The following MYO10 variants were observed in gnomAD, a reference collection of about 807,000 sequenced individuals.
The protein encoded by MYO10 is unconventional myosin-X.
MYO10 carries 133 observed loss-of-function variants against 257.3 expected under a neutral mutation model. That is an observed-to-expected ratio of 0.52 (90% CI 0.45 to 0.60). MYO10 has a LOEUF of 0.60. MYO10 is among the 20% of genes least tolerant of loss of function. The pLI, the probability that MYO10 is intolerant of heterozygous loss-of-function variation, is 0.00. For synonymous variants in MYO10, 1,104 were observed against 1,028.6 expected (o/e 1.07, Z -1.40); for missense variants, 2,399 against 2,635.7 (o/e 0.91, Z 1.97).
intron 1 of MYO10, among the ~76,000 whole-genome samples, chr5:16,925,677 G>A (rs907246682): frequency 1.3e-5 from 2 of 152,204 alleles, no homozygotes; most frequent in African/African-American, 4.8e-5. Context: ...ATCCCAAAGT[G>A]CTGAGGTAAC....
At chr5:16,763,865 T>C (rs1027530348) in intron 12 of MYO10, 110 bp from the exon 13 acceptor site, 24 of 742,924 alleles carry the variant, frequency 3.2e-5, no homozygotes, top group Middle Eastern at 3.8e-4. Flanking sequence ...ATGCCTGTTG[T>C]CTGGCACAGT....
At chr5:16,679,524 G>GTTTTTTTTTTTTTTTT (rs33919452) in intron 33 of MYO10, among the ~76,000 whole-genome samples, 31 of 122,666 alleles carry the variant, frequency 2.5e-4, no homozygotes, top group African/African-American at 9.7e-4. Flanking sequence ...TTTTTTGGGT[G>GTTTTTTTTTTTTTTTT]TTTTTTTTTT....
intron 2 of MYO10, among the ~76,000 whole-genome samples, chr5:16,831,254 C>A (rs1432351498): frequency 6.6e-6 from 1 of 152,164 alleles, no homozygotes; most frequent in African/African-American, 2.4e-5. Context: ...ACAGGGAACA[C>A]TTCTACACTG....
At chr5:16,715,332 C>A (rs1049799167) in intron 19 of MYO10, among the ~76,000 whole-genome samples, 1 of 147,036 alleles carries the variant, frequency 6.8e-6, no homozygotes, top group African/African-American at 2.5e-5. Context: ...TCATGTACCA[C>A]ATAATGATGT....
intron 1 of MYO10, among the ~76,000 whole-genome samples, chr5:16,914,363 C>T (rs1580145356): frequency 6.6e-6 from 1 of 152,154 alleles, no homozygotes; most frequent in Non-Finnish European, 1.5e-5. Context: ...TGCTGGAATA[C>T]ACTAAGAAGC....
intron 21 of MYO10, 27 bp downstream of exon 21, chr5:16,710,881 G>A (rs1173879965): frequency 1.3e-6 from 2 of 1,582,894 alleles, no homozygotes; most frequent in South Asian, 2.3e-5. Context: ...GGGATTCGGT[G>A]GGAGTTGCTC....
intron 3 of MYO10, chr5:16,815,467 C>G: frequency 1.4e-6 from 1 of 700,050 alleles, no homozygotes; most frequent in Non-Finnish European, 2.6e-6. Flanking sequence ...TCTGCACCTA[C>G]AAGAGACATA....
At chr5:16,870,513 C>T (rs1319581458) in intron 2 of MYO10, among the ~76,000 whole-genome samples, 3 of 151,516 alleles carry the variant, frequency 2.0e-5, no homozygotes, top group Non-Finnish European at 4.4e-5. Context: ...ACAGGTGATT[C>T]GTATGCACCA....
intron 3 of MYO10, among the ~76,000 whole-genome samples, chr5:16,812,253 GGAA>G: frequency 6.6e-6 from 1 of 152,142 alleles, no homozygotes; most frequent in African/African-American, 2.4e-5. Flanking sequence ...TGGGGTTCCA[GGAA>G]GAGAATCTAA....
chr5:16,701,559 T>C lies in MYO10; in HGVS notation c.2836A>G (p.Asn946Asp), dbSNP rs753790871. The C allele has an allele frequency of 6.2e-7, 1 of 1,613,756 alleles. No individual in the cohort carries two copies. The highest frequency in any genetic ancestry group is 1.1e-5 in the South Asian group (1 of 91,060). The change falls in exon 25 of 41, where the codon AAT becomes GAT. Residue 946 changes from asparagine to aspartate, a missense_variant. Coordinates refer to ENST00000513610, the MANE Select transcript of MYO10 (RefSeq NM_012334.3). This position sits in a 1 kb window ranked among gnomAD's most constrained non-coding sequence, Gnocchi z 8.1. ...ACACACTCGTCGATCTCGTCGAAATTGAGGGACTCGAGGAACTCCTGGGCC... is the reference window on the plus strand; with the variant it reads ...ACACACTCGTCGATCTCGTCGAAATCGAGGGACTCGAGGAACTCCTGGGCC... ...RAAQEFLESL[N>D]FDEIDECVRN...
intron 1 of MYO10, among the ~76,000 whole-genome samples, chr5:16,891,557 G>C (rs1346469366): frequency 6.6e-6 from 1 of 152,016 alleles, no homozygotes; most frequent in Non-Finnish European, 1.5e-5. Context: ...TAGTGATGAT[G>C]GTTGTACAAT....
At chr5:16,885,934 T>A (rs1030083694) in intron 1 of MYO10, among the ~76,000 whole-genome samples, 2 of 152,112 alleles carry the variant, frequency 1.3e-5, no homozygotes, top group Admixed American at 1.3e-4. Context: ...GCATCCCCCA[T>A]AGCAGTCGGT....
At chr5:16,799,219 C>T (rs570029374) in intron 3 of MYO10, among the ~76,000 whole-genome samples, 1 of 152,288 alleles carries the variant, frequency 6.6e-6, no homozygotes, top group South Asian at 2.1e-4. Context: ...TAAGATACTG[C>T]TCGTTCTGAC....
intron 9 of MYO10, among the ~76,000 whole-genome samples, chr5:16,774,659 G>C (rs2126662719): frequency 6.6e-6 from 1 of 152,222 alleles, no homozygotes; most frequent in South Asian, 2.1e-4. Flanking sequence ...CTGACCTCAT[G>C]ATCTGCCTGC....
intron 2 of MYO10, among the ~76,000 whole-genome samples, chr5:16,818,712 T>C (rs1351837101): frequency 2.6e-5 from 4 of 152,038 alleles, no homozygotes; most frequent in Non-Finnish European, 5.9e-5. Flanking sequence ...GTGCTGGGAT[T>C]ACAGGCATGA....
At chr5:16,821,628 A>G (rs11133863) in intron 2 of MYO10, among the ~76,000 whole-genome samples, 134,688 of 151,464 alleles carry the variant, frequency 0.89, 60,737 homozygotes, top group South Asian at 0.97. Flanking sequence ...CACCACGCCC[A>G]GCTAATTTTT....
At chr5:16,831,296 T>C (rs921213163) in intron 2 of MYO10, among the ~76,000 whole-genome samples, 1 of 152,002 alleles carries the variant, frequency 6.6e-6, no homozygotes, top group Admixed American at 6.6e-5. Flanking sequence ...ACAACCACCA[T>C]GGAAAACGGT....
chr5:16,893,673 A>C (rs1024063348), intron 1 of MYO10, among the ~76,000 whole-genome samples: 1 of 151,162 alleles, frequency 6.6e-6, no homozygotes, highest in African/African-American at 2.4e-5. Flanking sequence ...TCCCTCCTAC[A>C]GCAAAATTCA....
intron 3 of MYO10, among the ~76,000 whole-genome samples, chr5:16,796,828 T>C (rs927517635): frequency 1.3e-5 from 2 of 152,222 alleles, no homozygotes; most frequent in African/African-American, 4.8e-5. Context: ...AATGTTACTA[T>C]GCTTGGAGAT....
Sources: allele counts gnomAD v4.1 joint callset (sites outside exome capture counted in the v4.1 genomes callset), GRCh38; gene constraint gnomAD v4.1.1; non-coding constraint Gnocchi (gnomAD v3.1); transcripts MANE v1.5; gene names NCBI Gene and HGNC (gene_info 2026-07-23, HGNC 2026-07-21).